Variants in CMTM7 observed in about 807,000 individuals in gnomAD.
CMTM7 encodes CKLF-like MARVEL transmembrane domain-containing protein 7.
Under a neutral mutation model 19.3 loss-of-function variants are expected in CMTM7, and 7 were observed. The observed-to-expected ratio is 0.36, with a 90% CI of 0.21 to 0.68. The LOEUF is 0.68. CMTM7 is among the 30% of genes least tolerant of loss of function. The pLI is 0.60. For missense variants in CMTM7, 193 were observed against 232.6 expected (o/e 0.83, Z 1.11); for synonymous variants, 87 against 99.3 (o/e 0.88, Z 0.74).
At chr3:32,419,260 A>G (rs1357590178) in intron 1 of CMTM7, among the ~76,000 whole-genome samples, 1 of 152,206 alleles carries the variant, frequency 6.6e-6, no homozygotes, top group Non-Finnish European at 1.5e-5. Context: ...TACTAAAGTT[A>G]TTTATTAGTT....
At chr3:32,413,461 T>C (rs747253232) in intron 1 of CMTM7, among the ~76,000 whole-genome samples, 1 of 152,228 alleles carries the variant, frequency 6.6e-6, no homozygotes, top group Non-Finnish European at 1.5e-5. Flanking sequence ...ATTAGAGTGA[T>C]TAGAAGATAT....
Position 32,452,960 on chromosome 3 carries a change from G to A in CMTM7, c.514+487G>A, listed in dbSNP as rs1291093997. Among the ~76,000 whole-genome samples, 5 of 104,338 alleles carry A rather than the reference G, an allele frequency of 4.8e-5. No homozygotes were observed. The Admixed American group carries it at 5.5e-4, about 12-fold the overall frequency. The allele number at this position is 104,338 out of a possible 152,430, so 68.4% of individuals were successfully genotyped here. ...TTTTTTTTTTTTTTTTTTTAGAGTT[G>A]GAGTCTCACCATGTTGCCCAGGCTG... On this transcript the variant is annotated intron_variant, in intron 4 of 4. Transcript: ENST00000334983.
At position 32,400,380 on chromosome 3, in the gene CMTM7, C is replaced by CT. The variant is rs1014352592; in HGVS notation, c.159+8324dup. Among the ~76,000 whole-genome samples, 13 of 138,010 alleles carry CT rather than the reference C, an allele frequency of 9.4e-5. No homozygotes were observed. The East Asian group carries it at 1.3e-3, about 14-fold the overall frequency. The allele number at this position is 138,010 out of a possible 152,430, so 90.5% of individuals were successfully genotyped here. On this transcript the variant is annotated intron_variant, in intron 1 of 4. Transcript: ENST00000334983. ...CTATACATATTTTGTAAATGCTTTT[C>CT]TTTTTTTTTCTTCTTCTTCTTTTTT...
Position 32,406,029 on chromosome 3 carries a change from C to T in CMTM7, c.159+13964C>T, listed in dbSNP as rs151137677. ...AGGAGGCTACTGGTGATACCAGTTTCTTGTGTAACCTTTAGGAGTTATTTC... is the reference window on the plus strand; with the variant it reads ...AGGAGGCTACTGGTGATACCAGTTTTTTGTGTAACCTTTAGGAGTTATTTC... On this transcript the variant is annotated intron_variant, in intron 1 of 4. Transcript: ENST00000334983. Among the ~76,000 whole-genome samples, 45 of 152,362 alleles carry T rather than the reference C, an allele frequency of 3.0e-4. No homozygotes were observed. In the East Asian group the frequency reaches 7.7e-3, roughly 26 times the overall value.
At chr3:32,430,446 G>C (rs1454672197) in intron 1 of CMTM7, among the ~76,000 whole-genome samples, 1 of 152,140 alleles carries the variant, frequency 6.6e-6, no homozygotes, top group African/African-American at 2.4e-5. Context: ...CATTTTTACT[G>C]TTGAGAATTC....
intron 1 of CMTM7, among the ~76,000 whole-genome samples, chr3:32,432,103 G>T (rs1183608585): frequency 1.3e-5 from 2 of 152,216 alleles, no homozygotes; most frequent in Non-Finnish European, 2.9e-5. Flanking sequence ...TTTGCTTCTT[G>T]GTTCCACCAT....
intron 1 of CMTM7, among the ~76,000 whole-genome samples, chr3:32,415,163 C>T (rs894572820): frequency 5.1e-4 from 77 of 152,130 alleles, no homozygotes; most frequent in African/African-American, 1.8e-3. Context: ...CACTGCACTC[C>T]AGCCTGGGTG....
At chr3:32,452,919 ATTTTTTTTTTTTTT>A (rs368112448) in intron 4 of CMTM7, among the ~76,000 whole-genome samples, 1 of 35,320 alleles carries the variant, frequency 2.8e-5, no homozygotes, top group Non-Finnish European at 5.1e-5. Context: ...CCTAATTTCA[ATTTTTTTTTTTTTT>A]TTTTTTTTTT....
chr3:32,411,029 T>A (rs1696166223), intron 1 of CMTM7, among the ~76,000 whole-genome samples: 1 of 152,268 alleles, frequency 6.6e-6, no homozygotes, highest in African/African-American at 2.4e-5. Flanking sequence ...GCCCTTTGCC[T>A]GGCAGAGGCG....
At chr3:32,393,976 A>G (rs1284612376) in intron 1 of CMTM7, among the ~76,000 whole-genome samples, 2 of 152,184 alleles carry the variant, frequency 1.3e-5, no homozygotes, top group Non-Finnish European at 2.9e-5. Flanking sequence ...AAAGAGAACA[A>G]AGACTTGAAT....
intron 1 of CMTM7, among the ~76,000 whole-genome samples, chr3:32,441,557 C>T (rs1696675579): frequency 6.6e-6 from 1 of 152,184 alleles, no homozygotes; most frequent in Non-Finnish European, 1.5e-5. Flanking sequence ...TTTCCTGCTT[C>T]TTCTGAGGGG....
intron 1 of CMTM7, among the ~76,000 whole-genome samples, chr3:32,417,087 C>T (rs919744604): frequency 6.6e-6 from 1 of 152,074 alleles, no homozygotes; most frequent in African/African-American, 2.4e-5. Context: ...GAGTGTGTAC[C>T]GTCATCACCA....
chr3:32,398,938 G>A (rs113089054), intron 1 of CMTM7, among the ~76,000 whole-genome samples: 4 of 152,170 alleles, frequency 2.6e-5, no homozygotes, highest in East Asian at 1.9e-4. Flanking sequence ...TGATCGCCAC[G>A]GCACTCCATA....
At chr3:32,443,145 C>T (rs540275403) in intron 2 of CMTM7, among the ~76,000 whole-genome samples, 1 of 152,300 alleles carries the variant, frequency 6.6e-6, no homozygotes, top group East Asian at 1.9e-4. Flanking sequence ...GTCACCCAGG[C>T]TAGAGTGCAG....
chr3:32,428,654 A>G (rs1696469814), intron 1 of CMTM7, among the ~76,000 whole-genome samples: 1 of 152,142 alleles, frequency 6.6e-6, no homozygotes, highest in Non-Finnish European at 1.5e-5. Context: ...CTTACATAAC[A>G]TCTTTGTTTG....
chr3:32,440,306 C>G (rs1434307277), intron 1 of CMTM7, among the ~76,000 whole-genome samples: 1 of 151,540 alleles, frequency 6.6e-6, no homozygotes, highest in African/African-American at 2.4e-5. Context: ...ACTCTGGAGG[C>G]TGAGGCAAGA....
At chr3:32,397,687 T>A (rs1015481363) in intron 1 of CMTM7, among the ~76,000 whole-genome samples, 6 of 151,348 alleles carry the variant, frequency 4.0e-5, no homozygotes, top group Non-Finnish European at 5.9e-5. Flanking sequence ...TGAGCCGAGA[T>A]CGCAGCATTG....
intron 1 of CMTM7, among the ~76,000 whole-genome samples, chr3:32,404,937 C>G (rs943787324): frequency 6.6e-6 from 1 of 152,200 alleles, no homozygotes; most frequent in African/African-American, 2.4e-5. Context: ...GGGTCCTTCC[C>G]AAAGGGAGAG....
chr3:32,423,585 C>T (rs556687400), intron 1 of CMTM7, among the ~76,000 whole-genome samples: 34 of 152,264 alleles, frequency 2.2e-4, no homozygotes, highest in East Asian at 5.8e-4. Context: ...TGAAGCAGAG[C>T]GTGGAGCCCC....
Sources: gnomAD v4.1 joint callset for allele counts (sites outside exome capture counted in the v4.1 genomes callset) on GRCh38, gnomAD v4.1.1 for gene constraint, MANE v1.5 for transcripts, NCBI Gene and HGNC (gene_info 2026-07-23, HGNC 2026-07-21) for gene names.